Variants in KLHL1 observed in about 807,000 individuals in gnomAD.
KLHL1 encodes the protein kelch like family member 1.
KLHL1 carries 47 observed loss-of-function variants against 77.7 expected under a neutral mutation model. The observed-to-expected ratio is 0.60, with a 90% CI of 0.48 to 0.77. KLHL1 has a LOEUF of 0.77. Among genes scored for constraint, KLHL1 ranks in the 30% least tolerant of loss-of-function variants. The pLI, the probability that KLHL1 is intolerant of heterozygous loss-of-function variation, is 0.00. For synonymous variants in KLHL1, 360 were observed against 325.2 expected, an observed-to-expected ratio of 1.11 and a Z score of -1.15; for missense variants, 925 against 910.8, an observed-to-expected ratio of 1.02 and a Z score of -0.20.
chr13:70,102,883 A>T (rs1305183446), intron 1 of KLHL1, among the ~76,000 whole-genome samples: 1 of 152,200 alleles, frequency 6.6e-6, no homozygotes, highest in Non-Finnish European at 1.5e-5. Flanking sequence ...ATTTGACAGT[A>T]TTTATTGAGT....
chr13:69,886,362 C>G (rs1228576261), intron 4 of KLHL1, among the ~76,000 whole-genome samples: 1 of 109,992 alleles, frequency 9.1e-6, no homozygotes, highest in East Asian at 2.9e-4. Context: ...CCTGAATAGA[C>G]AGAAGTTTTG....
intron 7 of KLHL1, among the ~76,000 whole-genome samples, chr13:69,793,497 A>G (rs200883126): frequency 5.4e-3 from 17 of 3,142 alleles, no homozygotes; most frequent in African/African-American, 0.02. Flanking sequence ...AAATCATGTA[A>G]GTTTTTTTTT....
chr13:69,949,055 C>T (rs1022855720), intron 3 of KLHL1, among the ~76,000 whole-genome samples: 4 of 151,860 alleles, frequency 2.6e-5, no homozygotes, highest in African/African-American at 9.7e-5. Flanking sequence ...AATTGCAAAG[C>T]TAGTACAGCG....
At chr13:69,856,365 T>C (rs1459053910) in intron 5 of KLHL1, among the ~76,000 whole-genome samples, 1 of 152,024 alleles carries the variant, frequency 6.6e-6, no homozygotes, top group Non-Finnish European at 1.5e-5. Context: ...AATTGGCATT[T>C]GTGGAACTGA....
chr13:70,053,150 C>T (rs892248116), intron 1 of KLHL1, among the ~76,000 whole-genome samples: 3 of 151,858 alleles, frequency 2.0e-5, no homozygotes, highest in African/African-American at 7.2e-5. Context: ...TTAAAAGAAA[C>T]ATACAGAATT....
At chr13:69,990,738 G>C (rs1437593409) in intron 1 of KLHL1, among the ~76,000 whole-genome samples, 1 of 151,948 alleles carries the variant, frequency 6.6e-6, no homozygotes, top group African/African-American at 2.4e-5. Flanking sequence ...GACAGTATTA[G>C]ACAGATCATT....
intron 1 of KLHL1, among the ~76,000 whole-genome samples, chr13:70,099,397 C>G (rs1246463268): frequency 6.6e-6 from 1 of 151,748 alleles, no homozygotes; most frequent in African/African-American, 2.4e-5. Flanking sequence ...ACAGTGAAGC[C>G]TTCTGTGCAG....
intron 8 of KLHL1, among the ~76,000 whole-genome samples, chr13:69,724,881 G>T (rs1303971183): frequency 6.6e-6 from 1 of 152,060 alleles, no homozygotes. Flanking sequence ...AACCAAATTT[G>T]CCCAGTAAAA....
At chr13:69,802,601 C>T (rs1403679558) in intron 6 of KLHL1, among the ~76,000 whole-genome samples, 1 of 152,120 alleles carries the variant, frequency 6.6e-6, no homozygotes, top group African/African-American at 2.4e-5. Flanking sequence ...CTATAGAATA[C>T]AGACATTGTA....
chr13:69,874,116 A>G (rs958196691), intron 5 of KLHL1, among the ~76,000 whole-genome samples: 1 of 152,132 alleles, frequency 6.6e-6, no homozygotes, highest in African/African-American at 2.4e-5. Context: ...GGCAAGATAT[A>G]GTACTCATAC....
intron 4 of KLHL1, among the ~76,000 whole-genome samples, chr13:69,916,236 C>T (rs982935245): frequency 1.3e-5 from 2 of 152,156 alleles, no homozygotes; most frequent in Non-Finnish European, 2.9e-5. Flanking sequence ...CATCCCATTA[C>T]TGGGTATATA....
At chr13:70,098,133 G>A (rs1309110896) in intron 1 of KLHL1, among the ~76,000 whole-genome samples, 2 of 151,614 alleles carry the variant, frequency 1.3e-5, no homozygotes, top group Non-Finnish European at 3.0e-5. Flanking sequence ...CTATGACATT[G>A]CTAGCTCAAC....
At chr13:70,027,652 GT>G (rs10667717) in intron 1 of KLHL1, among the ~76,000 whole-genome samples, 8 of 135,844 alleles carry the variant, frequency 5.9e-5, no homozygotes, top group Middle Eastern at 4.0e-3. Context: ...AATGTAAGTT[GT>G]TTTTTTTTTT....
intron 1 of KLHL1, among the ~76,000 whole-genome samples, chr13:70,017,489 G>A (rs1885687508): frequency 1.3e-5 from 2 of 152,200 alleles, no homozygotes; most frequent in Non-Finnish European, 2.9e-5. Context: ...CAACTAGTGT[G>A]CCTAGCTCTG....
At chr13:70,069,982 C>G (rs1346468508) in intron 1 of KLHL1, among the ~76,000 whole-genome samples, 1 of 151,832 alleles carries the variant, frequency 6.6e-6, no homozygotes, top group Admixed American at 6.6e-5. Flanking sequence ...TCCTGGCTAA[C>G]ACGGTGAAAC....
intron 8 of KLHL1, among the ~76,000 whole-genome samples, chr13:69,726,187 A>C (rs749132694): frequency 6.6e-6 from 1 of 152,140 alleles, no homozygotes; most frequent in Non-Finnish European, 1.5e-5. Context: ...GTAGCTTGGG[A>C]TATTAAATGT....
At chr13:69,891,117 CTAAA>C (rs1881412470) in intron 4 of KLHL1, among the ~76,000 whole-genome samples, 1 of 151,962 alleles carries the variant, frequency 6.6e-6, no homozygotes, top group Non-Finnish European at 1.5e-5. Context: ...AGAAAAGTTA[CTAAA>C]TGCCATACAT....
intron 7 of KLHL1, among the ~76,000 whole-genome samples, chr13:69,742,736 A>T (rs1217519074): frequency 6.6e-6 from 1 of 152,192 alleles, no homozygotes; most frequent in Non-Finnish European, 1.5e-5. Context: ...CAACTTAGGG[A>T]TGTTATTTTA....
At chr13:69,849,943 A>C (rs970816632) in intron 5 of KLHL1, among the ~76,000 whole-genome samples, 1 of 151,552 alleles carries the variant, frequency 6.6e-6, no homozygotes, top group Non-Finnish European at 1.5e-5. Context: ...ATACGTTAAT[A>C]ATAATTATAA....
Sources: allele counts gnomAD v4.1 joint callset (sites outside exome capture counted in the v4.1 genomes callset), GRCh38; gene constraint gnomAD v4.1.1; transcripts MANE v1.5; gene names NCBI Gene and HGNC (gene_info 2026-07-23, HGNC 2026-07-21).